CECR2: variants seen among roughly 807,000 people sequenced by gnomAD.
CECR2 encodes chromatin remodeling regulator CECR2.
A neutral mutation model predicts 154.5 loss-of-function variants in CECR2; 30 were observed. The ratio of observed to expected loss-of-function variants is 0.19; its 90% CI spans 0.15 to 0.26. CECR2 has a LOEUF of 0.26. Among genes scored for constraint, CECR2 ranks in the 10% least tolerant of loss-of-function variants. The pLI is 1.00. For synonymous variants in CECR2, 725 were observed against 683.7 expected (o/e 1.06, Z -0.94); for missense variants, 1,743 against 1,829.3 (o/e 0.95, Z 0.86).
In CECR2 at chr22:17,412,617, G is replaced by A. The variant is rs1219403889; in HGVS notation, c.126+42708G>A. Among the ~76,000 whole-genome samples the A allele has an allele frequency of 2.0e-5, 3 of 152,168 alleles. No homozygotes were observed. In the East Asian group the frequency reaches 5.8e-4, roughly 29 times the overall value. Reference sequence around the variant, plus strand: ...GTATTGCTATGGGATCAGAGACAAGGTGGAGAACCCTCTTTCCAGAGGCTC... The same window carrying A: ...GTATTGCTATGGGATCAGAGACAAGATGGAGAACCCTCTTTCCAGAGGCTC... On this transcript the variant is annotated intron_variant, in intron 1 of 18. Coordinates refer to ENST00000262608, the MANE Select transcript of CECR2 (RefSeq NM_001290047.2).
chr22:17,361,421 CG>C (rs1241139046), intron 1 of CECR2, among the ~76,000 whole-genome samples: 2 of 149,526 alleles, frequency 1.3e-5, no homozygotes, highest in Middle Eastern at 3.3e-3. Flanking sequence ...TGGAGGCGGA[CG>C]TTGCAGTGCA....
chr22:17,435,161 C>G (rs905868537), intron 1 of CECR2, among the ~76,000 whole-genome samples: 1 of 151,980 alleles, frequency 6.6e-6, no homozygotes, highest in Non-Finnish European at 1.5e-5. Flanking sequence ...AGGGAGATAC[C>G]CAGATTTTTG....
intron 1 of CECR2, among the ~76,000 whole-genome samples, chr22:17,470,824 TAACA>T (rs1021732183): frequency 6.6e-6 from 1 of 152,162 alleles, no homozygotes; most frequent in Non-Finnish European, 1.5e-5. Context: ...TCTCCCTAAC[TAACA>T]GTGTGTTCTG....
rs529626867 is a variant in CECR2, at chr22:17,380,367, C to G, written c.126+10458C>G. ...ATATAGAAGATAGTATTTCATTCTCCTTTTTAAAGTCCCTGACCTCATGTG... is the reference window on the plus strand; with the variant it reads ...ATATAGAAGATAGTATTTCATTCTCGTTTTTAAAGTCCCTGACCTCATGTG... On this transcript the variant is annotated intron_variant, in intron 1 of 18. Transcript: ENST00000262608. Among the ~76,000 whole-genome samples the G allele has an allele frequency of 1.2e-4, 19 of 152,288 alleles. No homozygotes were observed. The South Asian group carries it at 3.9e-3, about 32-fold the overall frequency.
chr22:17,528,527 T>C (rs1416723527), intron 9 of CECR2, among the ~76,000 whole-genome samples: 1 of 152,056 alleles, frequency 6.6e-6, no homozygotes, highest in Non-Finnish European at 1.5e-5. Context: ...GCTTTTTTTT[T>C]CTTTTCTTTT....
chr22:17,413,272 C>T (rs972851933), intron 1 of CECR2, among the ~76,000 whole-genome samples: 3 of 152,146 alleles, frequency 2.0e-5, no homozygotes, highest in Non-Finnish European at 4.4e-5. Context: ...TGGAGGAAAA[C>T]AGGGCACTGA....
intron 1 of CECR2, among the ~76,000 whole-genome samples, chr22:17,415,227 C>T (rs1448316926): frequency 6.6e-6 from 1 of 151,800 alleles, no homozygotes; most frequent in African/African-American, 2.4e-5. Flanking sequence ...TTCTCTTCTT[C>T]TCCTTCTTTG....
At chr22:17,412,717 A>G (rs1341506079) in intron 1 of CECR2, among the ~76,000 whole-genome samples, 1 of 152,128 alleles carries the variant, frequency 6.6e-6, no homozygotes, top group Non-Finnish European at 1.5e-5. Flanking sequence ...CTTTGAAGCC[A>G]TTCTTGAGTC....
intron 2 of CECR2, among the ~76,000 whole-genome samples, chr22:17,485,567 G>A (rs1422312174): frequency 2.0e-5 from 3 of 152,204 alleles, no homozygotes; most frequent in East Asian, 3.9e-4. Context: ...TCAGGAGTTC[G>A]AGACCAGCCT....
At chr22:17,445,562 T>TTATTAG (rs2054647368) in intron 1 of CECR2, among the ~76,000 whole-genome samples, 1 of 135,052 alleles carries the variant, frequency 7.4e-6, no homozygotes, top group South Asian at 2.2e-4. Flanking sequence ...ATTATTATTA[T>TTATTAG]TATTATTATT....
At chr22:17,524,801 A>G in intron 9 of CECR2, 1 of 348,062 alleles carries the variant, frequency 2.9e-6, no homozygotes, top group Non-Finnish European at 5.8e-6. Flanking sequence ...CCTCCCGAGT[A>G]GCTAGGACTA....
rs935578602 is a variant in CECR2, at chr22:17,375,207, G to A, written c.126+5298G>A. Reference sequence around the variant, plus strand: ...CGGCTCACTGCAACCTCCACCTCCTGGGTTCAAGCGATTCTCCTGCCTCAG... The same window carrying A: ...CGGCTCACTGCAACCTCCACCTCCTAGGTTCAAGCGATTCTCCTGCCTCAG... On this transcript the variant is annotated intron_variant, in intron 1 of 18. Coordinates refer to ENST00000262608, the MANE Select transcript of CECR2 (RefSeq NM_001290047.2). Among the ~76,000 whole-genome samples the A allele has an allele frequency of 9.2e-5, 14 of 151,814 alleles. 1 individual carries two copies. The highest frequency in any genetic ancestry group is 1.5e-5 in the Non-Finnish European group (1 of 67,954).
intron 1 of CECR2, among the ~76,000 whole-genome samples, chr22:17,379,925 T>G (rs985446453): frequency 6.6e-6 from 1 of 152,212 alleles, no homozygotes; most frequent in South Asian, 2.1e-4. Flanking sequence ...ATCTGTGGCT[T>G]TTGAAGATGT....
chr22:17,512,031 A>G, intron 8 of CECR2, 135 bp downstream of exon 8: 4 of 661,736 alleles, frequency 6.0e-6, no homozygotes, highest in Non-Finnish European at 1.0e-5. Context: ...TAGCAATCTT[A>G]TGCTTAAGAT....
chr22:17,549,251 C>T lies in CECR2; in HGVS notation c.3964C>T (p.Pro1322Ser). The T allele has an allele frequency of 2.5e-6, 4 of 1,614,034 alleles. No individual in the cohort carries two copies. Among genetic ancestry groups the T allele is most frequent in the Non-Finnish European group, 3.4e-6 (4 of 1,179,904 alleles). The change falls in exon 17 of 19, where the codon CCT becomes TCT. Residue 1322 changes from proline to serine, a missense_variant. Transcript: ENST00000262608. ...AGCCAGCGAGTATCTCTATGGAACTCCTCCGCCTCTGAGTTCAGGAATGGG... is the reference window on the plus strand; with the variant it reads ...AGCCAGCGAGTATCTCTATGGAACTTCTCCGCCTCTGAGTTCAGGAATGGG... ...LSASEYLYGT[P>S]PPLSSGMGFG... is the part of the protein sequence containing the mutation.
intron 3 of CECR2, 63 bp downstream of exon 3, chr22:17,497,649 A>G: frequency 3.3e-6 from 5 of 1,536,902 alleles, no homozygotes; most frequent in Non-Finnish European, 4.5e-6. Flanking sequence ...AAATGTAGTC[A>G]GAACGTAAAA....
chr22:17,446,234 G>C (rs1308691967), intron 1 of CECR2, among the ~76,000 whole-genome samples: 5 of 152,194 alleles, frequency 3.3e-5, no homozygotes, highest in Non-Finnish European at 2.9e-5. Flanking sequence ...TCCCAAGTCA[G>C]GTGTTGCGGC....
chr22:17,472,638 G>A (rs754753128), intron 1 of CECR2, among the ~76,000 whole-genome samples: 6 of 152,128 alleles, frequency 3.9e-5, no homozygotes, highest in Non-Finnish European at 8.8e-5. Flanking sequence ...AATGGCAGTA[G>A]TACAGATCTG....
At chr22:17,413,688 A>ATTATTATTT (rs1555905202) in intron 1 of CECR2, among the ~76,000 whole-genome samples, 2 of 151,466 alleles carry the variant, frequency 1.3e-5, no homozygotes, top group African/African-American at 4.9e-5. Context: ...TATTATTATT[A>ATTATTATTT]TTTTTTGAGA....
Sources: allele counts gnomAD v4.1 joint callset (sites outside exome capture counted in the v4.1 genomes callset), GRCh38; gene constraint gnomAD v4.1.1; transcripts MANE v1.5; gene names NCBI Gene and HGNC (gene_info 2026-07-23, HGNC 2026-07-21).